The following EYA1 variants were observed in gnomAD, a reference collection of about 807,000 sequenced individuals.
The protein encoded by EYA1 is protein phosphatase EYA1.
EYA1 carries 16 observed loss-of-function variants against 82.0 expected under a neutral mutation model. The ratio of observed to expected loss-of-function variants is 0.20; its 90% confidence interval spans 0.13 to 0.30. EYA1 has a LOEUF of 0.30. EYA1 is among the 10% of genes least tolerant of loss of function. EYA1 has a pLI of 1.00. For missense variants in EYA1, 633 were observed against 730.7 expected, an observed-to-expected ratio of 0.87 and a Z score of 1.54; for synonymous variants, 261 against 264.4, an observed-to-expected ratio of 0.99 and a Z score of 0.12.
At chr8:71,394,246 A>G (rs930170562) in intron 2 of EYA1, among the ~76,000 whole-genome samples, 1 of 152,054 alleles carries the variant, frequency 6.6e-6, no homozygotes, top group East Asian at 1.9e-4. Flanking sequence ...TAGGTTGCCT[A>G]TTCACTCTGA....
intron 2 of EYA1, among the ~76,000 whole-genome samples, chr8:71,493,447 G>T (rs1811167726): frequency 6.6e-6 from 1 of 152,062 alleles, no homozygotes; most frequent in African/African-American, 2.4e-5. Context: ...ATAGCCATTT[G>T]TATACAAACA....
At chr8:71,475,183 G>C (rs531196859) in intron 2 of EYA1, among the ~76,000 whole-genome samples, 1 of 152,246 alleles carries the variant, frequency 6.6e-6, no homozygotes, top group South Asian at 2.1e-4. Context: ...TGTTAACATG[G>C]AACTAGCAAG....
At chr8:71,346,455 T>TAA (rs1491578629) in intron 3 of EYA1, among the ~76,000 whole-genome samples, 3 of 134,792 alleles carry the variant, frequency 2.2e-5, no homozygotes, top group African/African-American at 9.2e-5. Context: ...TATATATATA[T>TAA]CTATATATAT....
At chr8:71,434,013 C>A (rs2129163862) in intron 2 of EYA1, among the ~76,000 whole-genome samples, 2 of 152,230 alleles carry the variant, frequency 1.3e-5, no homozygotes, top group East Asian at 3.9e-4. Context: ...CAGAGAATGG[C>A]CAATTCATGA....
chr8:71,256,516 G>T (rs935362228), intron 11 of EYA1, among the ~76,000 whole-genome samples: 3 of 152,092 alleles, frequency 2.0e-5, no homozygotes, highest in Admixed American at 2.0e-4. Context: ...GAGACAGAAA[G>T]AATAGATGTT....
intron 4 of EYA1, among the ~76,000 whole-genome samples, chr8:71,330,987 T>C (rs1257548256): frequency 6.6e-6 from 1 of 152,006 alleles, no homozygotes; most frequent in Non-Finnish European, 1.5e-5. Flanking sequence ...TCCCAGCACT[T>C]TGGGAGGCCG....
Position 71,341,262 on chromosome 8 carries a change from T to C in EYA1, c.125-7088A>G, listed in dbSNP as rs572306850. Among the ~76,000 whole-genome samples, 13 of 152,304 alleles carry C rather than the reference T, an allele frequency of 8.5e-5. No homozygotes were observed. In the South Asian group the frequency reaches 2.7e-3, roughly 32 times the overall value. ...GCAAATAAGCCTTAAAAGGACCCTTTATAAAGCAACACAATTATGCTGTAG... is the reference window on the plus strand; with the variant it reads ...GCAAATAAGCCTTAAAAGGACCCTTCATAAAGCAACACAATTATGCTGTAG... On this transcript the variant is annotated intron_variant, in intron 3 of 17. Coordinates refer to ENST00000340726, the MANE Select transcript of EYA1 (RefSeq NM_000503.6).
intron 17 of EYA1, among the ~76,000 whole-genome samples, chr8:71,209,685 A>G (rs531587383): frequency 6.6e-6 from 1 of 152,272 alleles, no homozygotes; most frequent in East Asian, 1.9e-4. Flanking sequence ...GTATATGCTG[A>G]AATATTCCAG....
chr8:71,439,017 C>T (rs1170354159), intron 2 of EYA1, among the ~76,000 whole-genome samples: 1 of 152,012 alleles, frequency 6.6e-6, no homozygotes, highest in Non-Finnish European at 1.5e-5. Flanking sequence ...AGGCTACCTA[C>T]CATCAGGTAG....
At chr8:71,482,694 C>G (rs1467251522) in intron 2 of EYA1, among the ~76,000 whole-genome samples, 1 of 152,098 alleles carries the variant, frequency 6.6e-6, no homozygotes, top group Non-Finnish European at 1.5e-5. Flanking sequence ...TACTACACAG[C>G]AATGAAAAGA....
intron 2 of EYA1, among the ~76,000 whole-genome samples, chr8:71,426,766 C>T (rs755326710): frequency 6.6e-6 from 1 of 152,144 alleles, no homozygotes; most frequent in Non-Finnish European, 1.5e-5. Flanking sequence ...CAAATCTAAC[C>T]TCCTTTAATG....
At chr8:71,447,487 C>T (rs907433242) in intron 2 of EYA1, among the ~76,000 whole-genome samples, 6 of 152,272 alleles carry the variant, frequency 3.9e-5, no homozygotes, top group African/African-American at 1.4e-4. Context: ...TTGTTTGCAC[C>T]TCTAAACTTT....
At chr8:71,396,086 C>T (rs903120405) in intron 2 of EYA1, among the ~76,000 whole-genome samples, 10 of 152,032 alleles carry the variant, frequency 6.6e-5, no homozygotes, top group South Asian at 6.2e-4. Flanking sequence ...CGTAGAGGTG[C>T]TTATAGTATT....
chr8:71,440,165 G>A (rs561910363), intron 2 of EYA1, among the ~76,000 whole-genome samples: 11 of 152,170 alleles, frequency 7.2e-5, no homozygotes, highest in South Asian at 4.2e-4. Context: ...AACACAATTC[G>A]GACTGCTCGC....
At chr8:71,433,568 C>G (rs1805787018) in intron 2 of EYA1, among the ~76,000 whole-genome samples, 2 of 152,150 alleles carry the variant, frequency 1.3e-5, no homozygotes, top group South Asian at 4.1e-4. Context: ...CAAGGAAGTA[C>G]TAAGTTAGCA....
intron 2 of EYA1, among the ~76,000 whole-genome samples, chr8:71,427,037 T>C (rs1371863493): frequency 1.3e-5 from 2 of 152,198 alleles, no homozygotes; most frequent in African/African-American, 4.8e-5. Flanking sequence ...TTGTGAGATA[T>C]AGGTGATTTC....
intron 12 of EYA1, among the ~76,000 whole-genome samples, chr8:71,226,921 A>G (rs1389544485): frequency 6.6e-6 from 1 of 152,014 alleles, no homozygotes; most frequent in African/African-American, 2.4e-5. Flanking sequence ...TTTATGGTTC[A>G]GTTAATTTAA....
chr8:71,360,347 C>G (rs763735156), intron 1 of EYA1, among the ~76,000 whole-genome samples: 1 of 152,138 alleles, frequency 6.6e-6, no homozygotes, highest in Non-Finnish European at 1.5e-5. Context: ...TTTATTCTTG[C>G]TGCAAGTGTT....
At chr8:71,272,428 G>A (rs191928752) in intron 9 of EYA1, among the ~76,000 whole-genome samples, 20 of 152,176 alleles carry the variant, frequency 1.3e-4, no homozygotes, top group East Asian at 1.2e-3. Flanking sequence ...GAGAACAAGC[G>A]GGTGACAAGA....
Sources: allele counts gnomAD v4.1 joint callset (sites outside exome capture counted in the v4.1 genomes callset), GRCh38; gene constraint gnomAD v4.1.1; transcripts MANE v1.5; gene names NCBI Gene and HGNC (gene_info 2026-07-23, HGNC 2026-07-21).